The following TBL1XR1 variants were observed in gnomAD, a reference collection of about 807,000 sequenced individuals.
The protein encoded by TBL1XR1 is TBL1X/Y related 1.
In TBL1XR1, 5 loss-of-function variants were observed where a neutral mutation model predicts 66.9. The ratio of observed to expected loss-of-function variants is 0.07; its 90% CI spans 0.04 to 0.16. The LOEUF (loss-of-function observed/expected upper bound fraction) is 0.16, where lower values mean the gene tolerates loss of function less well. TBL1XR1 is among the 10% of genes least tolerant of loss of function. TBL1XR1 has a pLI of 1.00. For missense variants in TBL1XR1, 238 were observed against 623.2 expected, an observed-to-expected ratio of 0.38 and a Z score of 6.58; for synonymous variants, 210 against 206.0, an observed-to-expected ratio of 1.02 and a Z score of -0.17.
intron 1 of TBL1XR1, among the ~76,000 whole-genome samples, chr3:177,164,192 C>A (rs76043120): frequency 0.026 from 3,900 of 152,196 alleles, 73 homozygotes; most frequent in Non-Finnish European, 0.035. Flanking sequence ...ATTATTGTGG[C>A]TTGGTTAGGA....
In TBL1XR1 at chr3:177,053,839, G is replaced by A. The variant is rs373988821; in HGVS notation, c.138C>T (p.Pro46=). The change falls in exon 4 of 16, where the codon CCC becomes CCT. Residue 46 remains proline (P), a synonymous_variant. Transcript: ENST00000457928. ...QSNINGALVP[P]AALISIIQKG... ...TCTGGATGATAGAAATCAATGCAGC[G>A]GGTGGGACGAGGGCACCATTTATAT... 1.3e-4 allele frequency: 216 copies of A among 1,613,572 alleles called. No homozygotes were observed. The highest frequency in any genetic ancestry group is 2.3e-4 in the African/African-American group (17 of 75,026).
Position 177,024,706 on chromosome 3 carries a change from CAAAA to C in TBL1XR1, c.*788_*791del, listed in dbSNP as rs1258577255. The C allele has an allele frequency of 2.4e-5, 1 of 40,818 alleles. No individual in the cohort carries two copies. Among genetic ancestry groups the C allele is most frequent in the African/African-American group, 9.5e-5 (1 of 10,522 alleles). The allele number at this position is 40,818 out of a possible 1,614,324, so 2.5% of individuals were successfully genotyped here. On this transcript the variant is annotated 3_prime_UTR_variant, in exon 16 of 16. Transcript: ENST00000457928. ...GCATTTAAGCCACATCACCAAAAAA[CAAAA>C]AAGAAAAAAAAAAAAAAAAAGCAAA...
At chr3:177,090,494 A>T (rs2108640281) in intron 2 of TBL1XR1, among the ~76,000 whole-genome samples, 1 of 148,692 alleles carries the variant, frequency 6.7e-6, no homozygotes, top group East Asian at 2.0e-4. Context: ...AGCCTGGTCA[A>T]CACAGGGAGA....
At chr3:177,126,818 A>G (rs955646950) in intron 1 of TBL1XR1, among the ~76,000 whole-genome samples, 23 of 47,488 alleles carry the variant, frequency 4.8e-4, no homozygotes, top group Non-Finnish European at 7.2e-4. Context: ...TTTCAGCCAA[A>G]AAAAAAAAAA....
At chr3:177,079,706 T>C (rs1436766451) in intron 2 of TBL1XR1, 2 of 149,094 alleles carry the variant, frequency 1.3e-5, no homozygotes, top group East Asian at 2.0e-4. Context: ...GTCTATATAA[T>C]CAATTAAAAT....
chr3:177,050,187 T>A (rs570868484), intron 6 of TBL1XR1, 49 bp from the exon 7 acceptor site: 2 of 1,592,530 alleles, frequency 1.3e-6, no homozygotes, highest in Admixed American at 1.7e-5. Flanking sequence ...TTCTCACGTA[T>A]CAGAACAAGG....
chr3:177,099,555 T>A (rs1237509000), intron 1 of TBL1XR1: 2 of 152,198 alleles, frequency 1.3e-5, no homozygotes, highest in African/African-American at 4.8e-5. Flanking sequence ...TTAGGTGAAG[T>A]AAGAAGATAA....
chr3:177,101,031 T>A (rs186694028), intron 1 of TBL1XR1, among the ~76,000 whole-genome samples: 1 of 152,028 alleles, frequency 6.6e-6, no homozygotes, highest in Non-Finnish European at 1.5e-5. Context: ...AATTCTGTAT[T>A]TTTTAGTAGA....
At chr3:177,061,981 AT>A (rs980474978) in intron 3 of TBL1XR1, among the ~76,000 whole-genome samples, 1 of 152,198 alleles carries the variant, frequency 6.6e-6, no homozygotes, top group Non-Finnish European at 1.5e-5. Context: ...TATGAGTGAG[AT>A]TCTGAGTTCT....
chr3:177,177,856 T>G (rs1035333044), intron 1 of TBL1XR1, among the ~76,000 whole-genome samples: 1 of 152,090 alleles, frequency 6.6e-6, no homozygotes, highest in Admixed American at 6.6e-5. Flanking sequence ...TCATGCAGTT[T>G]AAATTCTGGA....
chr3:177,164,107 C>T (rs1314393731), intron 1 of TBL1XR1: 1 of 152,196 alleles, frequency 6.6e-6, no homozygotes, highest in East Asian at 1.9e-4. Flanking sequence ...CGTGCACACG[C>T]ATACGCTCAG....
chr3:177,172,633 A>AAGAGAGACAG (rs1553864026), intron 1 of TBL1XR1, among the ~76,000 whole-genome samples: 3 of 117,550 alleles, frequency 2.6e-5, no homozygotes, highest in African/African-American at 9.8e-5. Flanking sequence ...AGAAAGAGAG[A>AAGAGAGACAG]AGAGAGAGAG....
At chr3:177,046,278 A>G in intron 9 of TBL1XR1, 89 bp from the exon 10 acceptor site, 1 of 907,890 alleles carries the variant, frequency 1.1e-6, no homozygotes, top group Non-Finnish European at 1.6e-6. Context: ...TTACAGCAAT[A>G]TGAAATGTCA....
chr3:177,062,952 T>C (rs1022726180), intron 3 of TBL1XR1, among the ~76,000 whole-genome samples: 2 of 151,924 alleles, frequency 1.3e-5, no homozygotes, highest in African/African-American at 2.4e-5. Context: ...CTGACCAACA[T>C]GGAGAAATGC....
intron 1 of TBL1XR1, among the ~76,000 whole-genome samples, chr3:177,130,637 T>A (rs1728187835): frequency 6.6e-6 from 1 of 152,228 alleles, no homozygotes; most frequent in African/African-American, 2.4e-5. Context: ...TTTTTTGCTG[T>A]ATACACTTTT....
chr3:177,171,920 A>C (rs2108929114), intron 1 of TBL1XR1, among the ~76,000 whole-genome samples: 1 of 152,210 alleles, frequency 6.6e-6, no homozygotes, highest in East Asian at 1.9e-4. Context: ...TGCCAGTGGC[A>C]AAAGGTGGAA....
chr3:177,189,664 A>AAAAAAAAAAAAAAAAAATTTC (rs57549428), intron 1 of TBL1XR1, among the ~76,000 whole-genome samples: 4 of 141,880 alleles, frequency 2.8e-5, no homozygotes, highest in African/African-American at 1.1e-4. Context: ...AAAAAAAAAA[A>AAAAAAAAAAAAAAAAAATTTC]AGAAGGATGT....
chr3:177,196,245 TCG>T (rs1243360026), intron 1 of TBL1XR1: 1 of 152,064 alleles, frequency 6.6e-6, no homozygotes, highest in Admixed American at 6.5e-5. Context: ...AAAAATTAAA[TCG>T]GTTGCAAAGA....
intron 14 of TBL1XR1, chr3:177,027,561 G>A (rs17560814): frequency 6.6e-6 from 1 of 152,072 alleles, no homozygotes; most frequent in African/African-American, 2.4e-5. Context: ...AATCAGAAAA[G>A]TGACCTCTGC....
Sources: allele counts gnomAD v4.1 joint callset (sites outside exome capture counted in the v4.1 genomes callset), GRCh38; gene constraint gnomAD v4.1.1; transcripts MANE v1.5; gene names NCBI Gene and HGNC (gene_info 2026-07-23, HGNC 2026-07-21).